PRKCB: variants seen among roughly 807,000 people sequenced by gnomAD.
PRKCB encodes the protein protein kinase C beta type.
Under a neutral mutation model 81.5 loss-of-function variants are expected in PRKCB, and 13 were observed. The ratio of observed to expected loss-of-function variants is 0.16; its 90% confidence interval spans 0.10 to 0.25. PRKCB has a LOEUF of 0.25. Among genes scored for constraint, PRKCB ranks in the 10% least tolerant of loss-of-function variants. The probability of loss-of-function intolerance (pLI) is 1.00; values close to 1 mark genes in which losing one functional copy is unlikely to be tolerated. For synonymous variants in PRKCB, 335 were observed against 321.4 expected, an observed-to-expected ratio of 1.04 and a Z score of -0.45; for missense variants, 509 against 875.7, an observed-to-expected ratio of 0.58 and a Z score of 5.29.
chr16:24,066,479 T>G (rs1160691694), intron 5 of PRKCB, among the ~76,000 whole-genome samples: 2 of 152,234 alleles, frequency 1.3e-5, no homozygotes, highest in East Asian at 3.8e-4. Flanking sequence ...TACAGAAAAG[T>G]TGCAGAGGAT....
At chr16:23,912,803 G>A (rs919573280) in intron 2 of PRKCB, among the ~76,000 whole-genome samples, 5 of 127,578 alleles carry the variant, frequency 3.9e-5, no homozygotes, top group East Asian at 2.3e-4. Context: ...GTGAGCCACC[G>A]TGCCTGGCCT....
At position 24,082,609 on chromosome 16, in the gene PRKCB, A is replaced by G. The variant is rs78277204; in HGVS notation, c.530-10182A>G. On this transcript the variant is annotated intron_variant, in intron 5 of 16. Coordinates refer to ENST00000643927, the MANE Select transcript of PRKCB (RefSeq NM_002738.7). ...AAGTGCGAAAACAATGAAATGGAAAAAGGACGGTCTTTCAACAAATGATGT... is the reference window on the plus strand; with the variant it reads ...AAGTGCGAAAACAATGAAATGGAAAGAGGACGGTCTTTCAACAAATGATGT... Among the ~76,000 whole-genome samples, 6 of 152,342 alleles carry G rather than the reference A, an allele frequency of 3.9e-5. No individual in the cohort carries two copies. In the East Asian group the frequency reaches 1.2e-3, roughly 29 times the overall value.
intron 12 of PRKCB, among the ~76,000 whole-genome samples, chr16:24,178,092 T>C (rs549530316): frequency 3.9e-5 from 6 of 152,312 alleles, no homozygotes; most frequent in Non-Finnish European, 7.4e-5. Flanking sequence ...TTCATCTAAA[T>C]CTCTACTTAA....
At position 23,899,603 on chromosome 16, in the gene PRKCB, A is replaced by ACT. The variant is rs370318979; in HGVS notation, c.205+62238_205+62239dup. On this transcript the variant is annotated intron_variant, in intron 2 of 16. Coordinates refer to ENST00000643927, the MANE Select transcript of PRKCB (RefSeq NM_002738.7). ...CATTTGTAATTACTTATCCATAAGA[A>ACT]CTCTCTCTCTCTCTCTCTCTCTCTC... 3.6e-3 allele frequency among the ~76,000 whole-genome samples: 163 copies of ACT among 45,610 alleles called. 25 individuals are homozygous for ACT. The highest frequency in any genetic ancestry group is 6.8e-3 in the African/African-American group (100 of 14,646). The allele number at this position is 45,610 out of a possible 152,430, so 29.9% of individuals were successfully genotyped here. A position where few individuals can be genotyped will look rare whatever the true frequency, so the allele number is the denominator to read the frequency against.
chr16:23,917,463 A>G (rs747926046), intron 2 of PRKCB, among the ~76,000 whole-genome samples: 10 of 152,068 alleles, frequency 6.6e-5, no homozygotes, highest in Non-Finnish European at 1.3e-4. Flanking sequence ...TGACTCAGAA[A>G]CCCTTCCTGT....
intron 16 of PRKCB, among the ~76,000 whole-genome samples, chr16:24,195,378 G>A (rs1412338976): frequency 2.0e-5 from 3 of 152,082 alleles, no homozygotes; most frequent in Non-Finnish European, 4.4e-5. Context: ...GTGAGCGTGT[G>A]CAGAGTTCCA....
intron 2 of PRKCB, among the ~76,000 whole-genome samples, chr16:23,939,485 T>C (rs1416536817): frequency 6.6e-6 from 1 of 152,190 alleles, no homozygotes; most frequent in Non-Finnish European, 1.5e-5. Context: ...GTCAAGACTA[T>C]GTGATATTGG....
At chr16:24,084,773 G>C (rs772474989) in intron 5 of PRKCB, among the ~76,000 whole-genome samples, 4 of 152,190 alleles carry the variant, frequency 2.6e-5, no homozygotes, top group South Asian at 4.1e-4. Context: ...GTAGGAATCA[G>C]ATGGGAGCCT....
intron 2 of PRKCB, among the ~76,000 whole-genome samples, chr16:23,867,436 G>A (rs2141096510): frequency 6.6e-6 from 1 of 152,304 alleles, no homozygotes; most frequent in East Asian, 1.9e-4. Flanking sequence ...CTTCTTACTA[G>A]TGAGACTGAA....
At position 24,216,775 on chromosome 16, in the gene PRKCB, A is replaced by T. The variant is rs114136375; in HGVS notation, c.*1959A>T. 5.8e-4 allele frequency: 567 copies of T among 985,484 alleles called. 4 individuals are homozygous for T. In the African/African-American group the frequency reaches 8.9e-3, roughly 15 times the overall value. 61.0% of individuals were successfully genotyped at this position (985,484 alleles called of 1,614,324 possible). ...TTTAGGCAGTAAGAGAAGGAGGGAA[A>T]TCGGAGCAAAGCTCCCTCACTTTAT... is the stretch of plus-strand genomic sequence containing the variant. On this transcript the variant is annotated 3_prime_UTR_variant, in exon 17 of 17. Coordinates refer to ENST00000643927, the MANE Select transcript of PRKCB (RefSeq NM_002738.7).
intron 3 of PRKCB, among the ~76,000 whole-genome samples, chr16:24,007,526 G>A (rs539934061): frequency 3.2e-4 from 48 of 152,296 alleles, no homozygotes; most frequent in Non-Finnish European, 5.0e-4. Flanking sequence ...TGCAGAACCC[G>A]CTTGTAAAGG....
In PRKCB at chr16:23,974,126, T is replaced by G. The variant is rs924053522; in HGVS notation, c.206-14382T>G. ...TAGGGGCTAGACTGAACAGAATTAG[T>G]GTTTGGAAGTGAGTGGTGGTGGTGG... On this transcript the variant is annotated intron_variant, in intron 2 of 16. Coordinates refer to ENST00000643927, the MANE Select transcript of PRKCB (RefSeq NM_002738.7). Among the ~76,000 whole-genome samples the G allele has an allele frequency of 1.6e-4, 25 of 151,916 alleles. No individual in the cohort carries two copies. The South Asian group carries it at 2.3e-3, about 14-fold the overall frequency.
intron 3 of PRKCB, among the ~76,000 whole-genome samples, chr16:24,027,831 G>A (rs143621739): frequency 8.5e-5 from 13 of 152,200 alleles, no homozygotes; most frequent in Admixed American, 4.6e-4. Context: ...GTCCAGTGGC[G>A]TGATCATAGC....
At chr16:24,000,459 A>C (rs148798940) in intron 3 of PRKCB, among the ~76,000 whole-genome samples, 42 of 152,346 alleles carry the variant, frequency 2.8e-4, no homozygotes, top group African/African-American at 1.0e-3. Context: ...GATTCTGCCC[A>C]GATACTCATT....
intron 16 of PRKCB, among the ~76,000 whole-genome samples, chr16:24,214,335 T>C (rs1325323122): frequency 1.3e-5 from 2 of 152,062 alleles, no homozygotes; most frequent in African/African-American, 2.4e-5. Context: ...TCGGGGTGGG[T>C]TGGGGGGACA....
In PRKCB at chr16:24,035,693, A is replaced by G. The variant is rs1172125356; in HGVS notation, c.529+146A>G. On this transcript the variant is annotated intron_variant, in intron 5 of 16. Coordinates refer to ENST00000643927, the MANE Select transcript of PRKCB (RefSeq NM_002738.7). ...GGGGGTGTGGCACTGCTTCTGCCCC[A>G]TGCCCTGCCCATGACAGCCCCTCCC... 4.1e-6 allele frequency: 4 copies of G among 987,192 alleles called. No homozygotes were observed. In the East Asian group the frequency reaches 1.1e-4, roughly 27 times the overall value. 61.2% of individuals were successfully genotyped at this position (987,192 alleles called of 1,614,324 possible). A position where few individuals can be genotyped will look rare whatever the true frequency, so the allele number is the denominator to read the frequency against.
intron 2 of PRKCB, among the ~76,000 whole-genome samples, chr16:23,878,554 T>C (rs1394151559): frequency 6.6e-6 from 1 of 152,128 alleles, no homozygotes; most frequent in Non-Finnish European, 1.5e-5. Flanking sequence ...AGAATGCTTG[T>C]TTACAGCATG....
intron 2 of PRKCB, chr16:23,893,606 T>C (rs2141118553): frequency 6.6e-6 from 1 of 152,348 alleles, no homozygotes; most frequent in East Asian, 1.9e-4. Context: ...ACATTTTTGT[T>C]ATTCCAGTAT....
rs770183097 is a variant in PRKCB, at chr16:24,052,555, G to A, written c.529+17008G>A. Among the ~76,000 whole-genome samples, 184 of 152,276 alleles carry A rather than the reference G, an allele frequency of 1.2e-3. 2 individuals are homozygous for A. The highest frequency in any genetic ancestry group is 3.4e-3 in the Middle Eastern group (1 of 294). ...TAAAAAAGGGGTGGATTTTTCATGA[G>A]TTTTCTGGGAAAGGGGTGGCAGATT... On this transcript the variant is annotated intron_variant, in intron 5 of 16. Transcript: ENST00000643927.
Sources: allele counts gnomAD v4.1 joint callset (sites outside exome capture counted in the v4.1 genomes callset), GRCh38; gene constraint gnomAD v4.1.1; transcripts MANE v1.5; gene names NCBI Gene and HGNC (gene_info 2026-07-23, HGNC 2026-07-21).